AAK1: variants seen among roughly 807,000 people sequenced by gnomAD.
The protein encoded by AAK1 is AP2 associated kinase 1, also known as AP2-associated protein kinase 1.
AAK1 carries 37 observed loss-of-function variants against 116.0 expected under a neutral mutation model. That is an observed-to-expected ratio of 0.32 (90% CI 0.25 to 0.42). AAK1 has a LOEUF of 0.42. AAK1 is among the 10% of genes least tolerant of loss of function. The pLI, the probability that AAK1 is intolerant of heterozygous loss-of-function variation, is 1.00. For synonymous variants in AAK1, 458 were observed against 439.9 expected, an observed-to-expected ratio of 1.04 and a Z score of -0.51; for missense variants, 919 against 1,170.6, an observed-to-expected ratio of 0.79 and a Z score of 3.14.
intron 2 of AAK1, among the ~76,000 whole-genome samples, chr2:69,580,516 G>A (rs1672498403): frequency 6.6e-6 from 1 of 152,140 alleles, no homozygotes. Context: ...TAAAAAAGAA[G>A]ACCAAAGCAG....
At chr2:69,593,525 T>C (rs948742517) in intron 2 of AAK1, among the ~76,000 whole-genome samples, 2 of 151,704 alleles carry the variant, frequency 1.3e-5, no homozygotes, top group African/African-American at 4.8e-5. Context: ...TATGCAAATA[T>C]ATCTTATTAT....
intron 2 of AAK1, among the ~76,000 whole-genome samples, chr2:69,625,978 A>T (rs1042264279): frequency 1.3e-5 from 2 of 152,088 alleles, no homozygotes; most frequent in African/African-American, 4.8e-5. Flanking sequence ...AACTCCCTCA[A>T]CTTACCAAAC....
At chr2:69,601,811 T>C (rs1392026780) in intron 2 of AAK1, among the ~76,000 whole-genome samples, 1 of 152,222 alleles carries the variant, frequency 6.6e-6, no homozygotes, top group Admixed American at 6.5e-5. Context: ...ACACTAGCAT[T>C]AGTAAATGAA....
At chr2:69,518,261 G>A (rs1676664520) in intron 12 of AAK1, among the ~76,000 whole-genome samples, 1 of 151,964 alleles carries the variant, frequency 6.6e-6, no homozygotes, top group South Asian at 2.1e-4. Flanking sequence ...ATTCAAACAA[G>A]CCAACTTAAT....
intron 2 of AAK1, among the ~76,000 whole-genome samples, chr2:69,623,674 C>A (rs1674768263): frequency 6.6e-6 from 1 of 152,076 alleles, no homozygotes; most frequent in Non-Finnish European, 1.5e-5. Context: ...ATTTTTTAAA[C>A]CCCACAACTC....
chr2:69,528,096 T>C (rs1670095702), intron 8 of AAK1, among the ~76,000 whole-genome samples: 1 of 152,006 alleles, frequency 6.6e-6, no homozygotes, highest in Admixed American at 6.6e-5. Context: ...ATTTAGTCAG[T>C]GGGGAAGCAA....
chr2:69,526,191 C>T (rs17036718), intron 9 of AAK1, among the ~76,000 whole-genome samples: 3,145 of 152,276 alleles, frequency 0.021, 97 homozygotes, highest in African/African-American at 0.072. Context: ...GTTTACATTT[C>T]AGTCATGTGG....
chr2:69,555,970 A>T (rs1442979693), intron 3 of AAK1, among the ~76,000 whole-genome samples: 7 of 152,116 alleles, frequency 4.6e-5, no homozygotes, highest in African/African-American at 1.7e-4. Context: ...CTCTTGACCA[A>T]TCTTATTTAT....
Position 69,474,149 on chromosome 2 carries a change from A to G in AAK1, c.*1720T>C. The stretch of plus-strand genomic sequence containing the variant: ...CCTAGGGTCAAACCTTGCCCTCCAG[A>G]ATGCAGTGTTTTATAGGCTGTTGTT... On this transcript the variant is annotated 3_prime_UTR_variant, in exon 22 of 22. Transcript: ENST00000409085. 1.0e-6 allele frequency: 1 copy of G among 985,894 alleles called. No homozygotes were observed. The highest frequency in any genetic ancestry group is 1.2e-6 in the Non-Finnish European group (1 of 829,950). 61.1% of individuals were successfully genotyped at this position (985,894 alleles called of 1,614,324 possible).
intron 2 of AAK1, among the ~76,000 whole-genome samples, chr2:69,627,220 C>T (rs756910456): frequency 2.8e-4 from 42 of 149,966 alleles, no homozygotes; most frequent in South Asian, 2.1e-4. Flanking sequence ...ACCCAGGAGA[C>T]GGAGGTTGCA....
At chr2:69,479,320 A>G (rs955941993) in intron 19 of AAK1, among the ~76,000 whole-genome samples, 4 of 152,224 alleles carry the variant, frequency 2.6e-5, no homozygotes, top group Non-Finnish European at 5.9e-5. Context: ...GAAAACCAAA[A>G]GAAATGTGTG....
chr2:69,461,537 C>A lies in AAK1; in HGVS notation c.*14332G>T. The A allele has an allele frequency of 3.9e-6, 1 of 259,684 alleles. No homozygotes were observed. Among genetic ancestry groups the A allele is most frequent in the Non-Finnish European group, 7.7e-6 (1 of 129,762 alleles). 16.1% of individuals were successfully genotyped at this position (259,684 alleles called of 1,614,324 possible). On this transcript the variant is annotated 3_prime_UTR_variant, in exon 22 of 22. Coordinates refer to ENST00000409085, the MANE Select transcript of AAK1 (RefSeq NM_014911.5). The stretch of plus-strand genomic sequence containing the variant: ...AAAAGTAATTTGCATGTGTTTGCAT[C>A]CGTTTCTGTATTCAAAGAAGGTATG...
chr2:69,623,860 A>T (rs1674777351), intron 2 of AAK1, among the ~76,000 whole-genome samples: 1 of 152,200 alleles, frequency 6.6e-6, no homozygotes, highest in African/African-American at 2.4e-5. Context: ...ATTAAGGTAA[A>T]TGACAAAATA....
At chr2:69,623,722 C>T (rs542444317) in intron 2 of AAK1, among the ~76,000 whole-genome samples, 1 of 152,300 alleles carries the variant, frequency 6.6e-6, no homozygotes, top group East Asian at 1.9e-4. Flanking sequence ...AAACTTCAGA[C>T]TCTCTGTGAT....
intron 3 of AAK1, among the ~76,000 whole-genome samples, chr2:69,545,680 C>A (rs564937779): frequency 4.1e-4 from 62 of 152,338 alleles, no homozygotes; most frequent in African/African-American, 1.4e-3. Context: ...TAGAGTCTTC[C>A]TCTGAGTGAT....
chr2:69,520,680 TTCAAG>T (rs1289067376), intron 11 of AAK1, among the ~76,000 whole-genome samples, 149 bp downstream of exon 11: 2 of 152,194 alleles, frequency 1.3e-5, no homozygotes, highest in Non-Finnish European at 2.9e-5. Context: ...GCCATACAAT[TTCAAG>T]GGCAGCTTCC....
chr2:69,611,395 C>T (rs1308788872), intron 2 of AAK1, among the ~76,000 whole-genome samples: 3 of 152,216 alleles, frequency 2.0e-5, no homozygotes, highest in East Asian at 1.9e-4. Context: ...GGGCCTTCGG[C>T]CTCAGACTGG....
At chr2:69,531,458 G>T in intron 6 of AAK1, 1 of 330,512 alleles carries the variant, frequency 3.0e-6, no homozygotes, top group Non-Finnish European at 4.3e-6. Flanking sequence ...GTAATAGCGA[G>T]TGCTGTTGCC....
At chr2:69,484,082 T>C (rs2104901485) in intron 17 of AAK1, among the ~76,000 whole-genome samples, 1 of 152,298 alleles carries the variant, frequency 6.6e-6, no homozygotes, top group South Asian at 2.1e-4. Flanking sequence ...TAAAGACATG[T>C]CAACAACGTT....
Sources: allele counts gnomAD v4.1 joint callset (sites outside exome capture counted in the v4.1 genomes callset), GRCh38; gene constraint gnomAD v4.1.1; transcripts MANE v1.5; gene names NCBI Gene and HGNC (gene_info 2026-07-23, HGNC 2026-07-21).